The following RGS7 variants were observed in gnomAD, a reference collection of about 807,000 sequenced individuals.
The protein encoded by RGS7 is regulator of G protein signaling 7, also known as regulator of G-protein signaling 7.
Under a neutral mutation model 81.1 loss-of-function variants are expected in RGS7, and 27 were observed. That is an observed-to-expected ratio of 0.33 (90% CI 0.25 to 0.46). RGS7 has a LOEUF of 0.46. Among genes scored for constraint, RGS7 ranks in the 20% least tolerant of loss-of-function variants. The probability of loss-of-function intolerance (pLI) is 1.00; values close to 1 mark genes in which losing one functional copy is unlikely to be tolerated. For synonymous variants in RGS7, 208 were observed against 207.7 expected, an observed-to-expected ratio of 1.00 and a Z score of -0.01; for missense variants, 396 against 607.4, an observed-to-expected ratio of 0.65 and a Z score of 3.66.
intron 4 of RGS7, among the ~76,000 whole-genome samples, chr1:240,952,051 G>A (rs184068479): frequency 6.6e-6 from 1 of 152,086 alleles, no homozygotes; most frequent in East Asian, 1.9e-4. Flanking sequence ...CCCTTCAAAA[G>A]TAGAGGAGAA....
chr1:240,906,328 G>A (rs1039533040), intron 6 of RGS7, among the ~76,000 whole-genome samples: 1 of 152,132 alleles, frequency 6.6e-6, no homozygotes, highest in African/African-American at 2.4e-5. Context: ...CCTTCAGAGT[G>A]CACTCAGCAA....
chr1:241,058,843 T>C (rs1307439819), intron 3 of RGS7, among the ~76,000 whole-genome samples: 1 of 152,098 alleles, frequency 6.6e-6, no homozygotes, highest in Admixed American at 6.6e-5. Context: ...TTTCTGAGAG[T>C]GTGTGATTCA....
intron 6 of RGS7, among the ~76,000 whole-genome samples, chr1:240,919,445 C>A (rs1673136591): frequency 6.6e-6 from 1 of 151,744 alleles, no homozygotes; most frequent in Non-Finnish European, 1.5e-5. Flanking sequence ...TTAATGTAAC[C>A]CATCACATCA....
intron 3 of RGS7, among the ~76,000 whole-genome samples, chr1:241,021,334 A>G (rs1322053138): frequency 6.6e-6 from 1 of 152,172 alleles, no homozygotes; most frequent in African/African-American, 2.4e-5. Context: ...ATAATTTATC[A>G]TTTCCAAACA....
chr1:240,780,881 T>C (rs1247100190), intron 18 of RGS7, among the ~76,000 whole-genome samples: 2 of 134,054 alleles, frequency 1.5e-5, no homozygotes, highest in African/African-American at 2.9e-5. Context: ...ACCACTGCAC[T>C]CCAACCTGGG....
rs190436070 is a variant in RGS7, at chr1:241,147,917, A to T, written c.79-49155T>A. Among the ~76,000 whole-genome samples, 25 of 148,224 alleles carry T rather than the reference A, an allele frequency of 1.7e-4. 1 individual carries two copies. In the East Asian group the frequency reaches 4.9e-3, roughly 29 times the overall value. ...TTAAGTCATTTTTTTCACTTAACAA[A>T]TATTAATTGAGTGGCTACTATATTC... On this transcript the variant is annotated intron_variant, in intron 2 of 18. Transcript: ENST00000440928.
At chr1:240,888,018 G>A (rs1667670445) in intron 6 of RGS7, among the ~76,000 whole-genome samples, 6 of 152,148 alleles carry the variant, frequency 3.9e-5, no homozygotes, top group Admixed American at 3.9e-4. Context: ...AACATGCACT[G>A]GGTGCCTACT....
At chr1:240,972,705 A>C (rs1171528687) in intron 4 of RGS7, among the ~76,000 whole-genome samples, 3 of 36,964 alleles carry the variant, frequency 8.1e-5, no homozygotes, top group African/African-American at 1.8e-4. Flanking sequence ...ATAAAAAAAA[A>C]AAAAACAAAA....
chr1:241,107,404 G>A (rs1037460129), intron 2 of RGS7, among the ~76,000 whole-genome samples: 1 of 152,156 alleles, frequency 6.6e-6, no homozygotes, highest in African/African-American at 2.4e-5. Context: ...ATTACAGTAT[G>A]TTACTCTTGT....
chr1:241,157,821 C>CTTTTTTTTTTT (rs67249227), intron 2 of RGS7, among the ~76,000 whole-genome samples: 7 of 94,714 alleles, frequency 7.4e-5, no homozygotes, highest in African/African-American at 1.7e-4. Context: ...CTTTTCTTTT[C>CTTTTTTTTTTT]TTTTTTTTTT....
At chr1:241,051,558 AC>A (rs1178736269) in intron 3 of RGS7, among the ~76,000 whole-genome samples, 1 of 146,060 alleles carries the variant, frequency 6.8e-6, no homozygotes, top group Non-Finnish European at 1.5e-5. Context: ...CTCTCCCCGC[AC>A]CCCCCAACCC....
intron 6 of RGS7, among the ~76,000 whole-genome samples, chr1:240,886,319 C>G (rs1335767780): frequency 2.0e-5 from 3 of 152,162 alleles, no homozygotes; most frequent in Admixed American, 2.0e-4. Context: ...AATGGATAAG[C>G]CCAGAGGAGC....
At chr1:240,784,672 GA>G (rs1209010222) in intron 18 of RGS7, among the ~76,000 whole-genome samples, 1 of 132,964 alleles carries the variant, frequency 7.5e-6, no homozygotes, top group Admixed American at 7.3e-5. Context: ...TTTTTTTTTT[GA>G]AAAAAAATTT....
At chr1:240,811,386 C>T (rs1170657438) in intron 14 of RGS7, among the ~76,000 whole-genome samples, 1 of 152,218 alleles carries the variant, frequency 6.6e-6, no homozygotes, top group Non-Finnish European at 1.5e-5. Flanking sequence ...ATGGGTGTCA[C>T]TCTCTCACGA....
chr1:241,237,895 G>C (rs1418115335), intron 2 of RGS7, among the ~76,000 whole-genome samples: 1 of 152,220 alleles, frequency 6.6e-6, no homozygotes, highest in Non-Finnish European at 1.5e-5. Flanking sequence ...GGGTTCCTCT[G>C]AGAATTCCGA....
intron 2 of RGS7, among the ~76,000 whole-genome samples, chr1:241,296,400 A>G (rs2079427470): frequency 6.6e-6 from 1 of 152,234 alleles, no homozygotes; most frequent in Admixed American, 6.5e-5. Flanking sequence ...GAGGCTGCAC[A>G]CTGACAAGTC....
intron 3 of RGS7, among the ~76,000 whole-genome samples, chr1:241,054,250 G>A (rs2061380857): frequency 6.6e-6 from 1 of 152,188 alleles, no homozygotes; most frequent in Non-Finnish European, 1.5e-5. Flanking sequence ...CAGCAGAGGA[G>A]AAGACCAGTG....
rs1227118181 is a variant in RGS7 at position 240,794,949 on chromosome 1, G to A, written c.*6+5692C>T. On this transcript the variant is annotated intron_variant, in intron 18 of 18. Coordinates refer to ENST00000440928, the MANE Select transcript of RGS7 (RefSeq NM_001364886.1). ...TGTAATCCCAGCACTTTGGGAGGCC[G>A]AGGCAGGCGGATCACCTGAGGTCGG... 5.3e-5 allele frequency among the ~76,000 whole-genome samples: 8 copies of A among 152,202 alleles called. 1 individual carries two copies. The South Asian group carries it at 8.3e-4, about 16-fold the overall frequency.
intron 6 of RGS7, among the ~76,000 whole-genome samples, chr1:240,878,473 C>A (rs1326367379): frequency 1.5e-5 from 2 of 129,858 alleles, no homozygotes; most frequent in African/African-American, 5.6e-5. Flanking sequence ...TCTTTTCTTT[C>A]TTTTCTTTTT....
Sources: allele counts gnomAD v4.1 joint callset (sites outside exome capture counted in the v4.1 genomes callset), GRCh38; gene constraint gnomAD v4.1.1; transcripts MANE v1.5; gene names NCBI Gene and HGNC (gene_info 2026-07-23, HGNC 2026-07-21).